GRM8: variants seen among roughly 807,000 people sequenced by gnomAD.
GRM8 encodes the protein glutamate metabotropic receptor 8, also known as metabotropic glutamate receptor 8.
Under a neutral mutation model 87.2 loss-of-function variants are expected in GRM8, and 47 were observed. That is an observed-to-expected ratio of 0.54 (90% CI 0.43 to 0.69). The LOEUF is 0.69. GRM8 is among the 30% of genes least tolerant of loss of function. The pLI is 0.00. For missense variants in GRM8, 1,019 were observed against 1,139.2 expected (o/e 0.89, Z 1.52); for synonymous variants, 396 against 404.5 (o/e 0.98, Z 0.25).
intron 7 of GRM8, among the ~76,000 whole-genome samples, chr7:126,689,175 G>A (rs1808517733): frequency 6.6e-6 from 1 of 152,076 alleles, no homozygotes; most frequent in South Asian, 2.1e-4. Context: ...TTACCTCTCT[G>A]TGGGAGGCCA....
At chr7:126,479,083 C>A (rs937025774) in intron 9 of GRM8, among the ~76,000 whole-genome samples, 3 of 151,160 alleles carry the variant, frequency 2.0e-5, no homozygotes, top group African/African-American at 7.3e-5. Flanking sequence ...CAAGCCTCAA[C>A]TACCTTAGCC....
chr7:126,990,390 C>A (rs1812540159), intron 3 of GRM8, among the ~76,000 whole-genome samples: 1 of 150,692 alleles, frequency 6.6e-6, no homozygotes, highest in Non-Finnish European at 1.5e-5. Context: ...TTCATCATGT[C>A]CTGAACATAC....
intron 6 of GRM8, among the ~76,000 whole-genome samples, chr7:126,825,252 G>A (rs1249450015): frequency 6.6e-6 from 1 of 152,030 alleles, no homozygotes; most frequent in Non-Finnish European, 1.5e-5. Context: ...ATTTTTAGTA[G>A]AGACAGGGTT....
At chr7:127,187,702 A>C (rs1176970787) in intron 2 of GRM8, among the ~76,000 whole-genome samples, 1 of 152,146 alleles carries the variant, frequency 6.6e-6, no homozygotes, top group East Asian at 1.9e-4. Context: ...CTGCTGTGTC[A>C]GGTCTACCAT....
rs547819620 is a variant in GRM8 at position 126,617,724 on chromosome 7, A to G, written c.1358-8226T>C. 1.9e-3 allele frequency among the ~76,000 whole-genome samples: 297 copies of G among 152,346 alleles called. 1 individual carries two copies. Among genetic ancestry groups the G allele is most frequent in the Non-Finnish European group, 3.5e-3 (236 of 68,032 alleles). ...GTGCAAAAATCACAAGCATTCTTAT[A>G]CACCAATAACAGACAAACAGAGAGC... On this transcript the variant is annotated intron_variant, in intron 7 of 10. Coordinates refer to ENST00000339582, the MANE Select transcript of GRM8 (RefSeq NM_000845.3).
chr7:127,129,907 G>T (rs1474008504), intron 2 of GRM8, among the ~76,000 whole-genome samples: 1 of 152,132 alleles, frequency 6.6e-6, no homozygotes, highest in Non-Finnish European at 1.5e-5. Context: ...AGAACGATAT[G>T]GTTTGGCTCT....
intron 2 of GRM8, among the ~76,000 whole-genome samples, chr7:127,223,720 G>C (rs1310344436): frequency 6.6e-6 from 1 of 152,070 alleles, no homozygotes; most frequent in African/African-American, 2.4e-5. Flanking sequence ...GGGAGTGGAG[G>C]TCACATGGAG....
chr7:127,118,224 G>A (rs534671317), intron 2 of GRM8: 3 of 152,212 alleles, frequency 2.0e-5, no homozygotes, highest in African/African-American at 7.2e-5. Flanking sequence ...TTTACACAGG[G>A]GGAAAACCCA....
At chr7:126,827,085 T>C (rs1432095635) in intron 6 of GRM8, among the ~76,000 whole-genome samples, 1 of 152,242 alleles carries the variant, frequency 6.6e-6, no homozygotes, top group Non-Finnish European at 1.5e-5. Flanking sequence ...ATCTCTGTTT[T>C]GGTAGCAGTA....
intron 8 of GRM8, among the ~76,000 whole-genome samples, chr7:126,603,838 C>A (rs995604555): frequency 6.6e-6 from 1 of 152,030 alleles, no homozygotes; most frequent in African/African-American, 2.4e-5. Context: ...ACAGAAAATG[C>A]ATGTTTCCTA....
intron 9 of GRM8, among the ~76,000 whole-genome samples, chr7:126,463,973 T>C (rs1804199908): frequency 1.3e-5 from 2 of 151,808 alleles, no homozygotes; most frequent in Non-Finnish European, 2.9e-5. Context: ...TTCTACTACA[T>C]AAAATATAGT....
At chr7:126,998,648 A>AG (rs1813414714) in intron 3 of GRM8, among the ~76,000 whole-genome samples, 3 of 151,874 alleles carry the variant, frequency 2.0e-5, no homozygotes, top group African/African-American at 7.2e-5. Flanking sequence ...AAAGAAAAAA[A>AG]GTTCTTCCAT....
chr7:126,903,853 C>G, intron 5 of GRM8, 119 bp downstream of exon 5: 1 of 490,080 alleles, frequency 2.0e-6, no homozygotes, highest in Non-Finnish European at 3.5e-6. Context: ...GCCACCAAAG[C>G]TAAAATTTGT....
At chr7:127,129,702 G>A (rs954049990) in intron 2 of GRM8, among the ~76,000 whole-genome samples, 1 of 152,130 alleles carries the variant, frequency 6.6e-6, no homozygotes, top group Non-Finnish European at 1.5e-5. Context: ...GCCCAATCGT[G>A]AATGTAGTTA....
At chr7:126,957,825 G>A (rs1453716956) in intron 3 of GRM8, among the ~76,000 whole-genome samples, 2 of 152,174 alleles carry the variant, frequency 1.3e-5, no homozygotes, top group African/African-American at 2.4e-5. Context: ...GTGGATCCTC[G>A]CCCACTTACA....
intron 3 of GRM8, among the ~76,000 whole-genome samples, chr7:126,945,390 G>A (rs535391415): frequency 2.0e-5 from 3 of 152,184 alleles, no homozygotes; most frequent in Non-Finnish European, 4.4e-5. Flanking sequence ...TACAGGTTGA[G>A]CATCCCTAAT....
chr7:127,100,403 T>A (rs1362313667), intron 3 of GRM8, among the ~76,000 whole-genome samples: 1 of 152,178 alleles, frequency 6.6e-6, no homozygotes. Flanking sequence ...AGCCCTCCCA[T>A]GACCATAAAC....
intron 6 of GRM8, among the ~76,000 whole-genome samples, chr7:126,891,401 G>A: frequency 6.6e-6 from 1 of 151,942 alleles, no homozygotes; most frequent in East Asian, 1.9e-4. Flanking sequence ...ATCTTTCTAA[G>A]ATGGTGATTC....
At chr7:126,935,015 A>T (rs1806157336) in intron 3 of GRM8, among the ~76,000 whole-genome samples, 1 of 152,222 alleles carries the variant, frequency 6.6e-6, no homozygotes, top group Admixed American at 6.5e-5. Flanking sequence ...TTGTACATGT[A>T]AAGAATGCAG....
Sources: gnomAD v4.1 joint callset for allele counts (sites outside exome capture counted in the v4.1 genomes callset) on GRCh38, gnomAD v4.1.1 for gene constraint, MANE v1.5 for transcripts, NCBI Gene and HGNC (gene_info 2026-07-23, HGNC 2026-07-21) for gene names.